The following GABRB1 variants were observed in gnomAD, a reference collection of about 807,000 sequenced individuals.
GABRB1 encodes the protein gamma-aminobutyric acid receptor subunit beta-1.
In GABRB1, 17 loss-of-function variants were observed where a neutral mutation model predicts 51.6. That is an observed-to-expected ratio of 0.33 (90% confidence interval 0.23 to 0.49). The LOEUF (loss-of-function observed/expected upper bound fraction) is 0.49. GABRB1 is among the 20% of genes least tolerant of loss of function. GABRB1 has a pLI of 0.99. For synonymous variants in GABRB1, 247 were observed against 218.9 expected (o/e 1.13, Z -1.14); for missense variants, 410 against 600.6 (o/e 0.68, Z 3.32).
At chr4:47,194,873 G>T (rs547507302) in intron 4 of GABRB1, among the ~76,000 whole-genome samples, 2 of 152,300 alleles carry the variant, frequency 1.3e-5, no homozygotes, top group South Asian at 4.1e-4. Context: ...GAAGTGTCAT[G>T]AGACCCAGGC....
chr4:47,195,074 T>C (rs1183739351), intron 4 of GABRB1, among the ~76,000 whole-genome samples: 2 of 152,040 alleles, frequency 1.3e-5, no homozygotes, highest in African/African-American at 4.8e-5. Flanking sequence ...GCTATATAAA[T>C]CAATATCCTG....
At chr4:47,402,342 A>G (rs1728423725) in intron 5 of GABRB1, among the ~76,000 whole-genome samples, 2 of 152,338 alleles carry the variant, frequency 1.3e-5, no homozygotes, top group South Asian at 4.1e-4. Flanking sequence ...AGCCCCTGCA[A>G]TTCTAATGGA....
chr4:47,165,608 CT>C (rs949393563), intron 4 of GABRB1, among the ~76,000 whole-genome samples: 2 of 152,080 alleles, frequency 1.3e-5, no homozygotes, highest in East Asian at 1.9e-4. Flanking sequence ...GTTCTTCTGT[CT>C]TTTTGTTATT....
At chr4:47,006,400 T>A (rs941239992) in intron 1 of GABRB1, among the ~76,000 whole-genome samples, 17 of 152,302 alleles carry the variant, frequency 1.1e-4, no homozygotes, top group African/African-American at 3.9e-4. Flanking sequence ...ATTAAAAATG[T>A]TTTCAAAACT....
intron 5 of GABRB1, among the ~76,000 whole-genome samples, chr4:47,346,660 T>G (rs1726105209): frequency 6.6e-6 from 1 of 152,234 alleles, no homozygotes; most frequent in African/African-American, 2.4e-5. Flanking sequence ...TGACTTCAGC[T>G]GATAAGAAAG....
intron 5 of GABRB1, among the ~76,000 whole-genome samples, chr4:47,358,015 C>T (rs1290656174): frequency 6.6e-6 from 1 of 152,114 alleles, no homozygotes; most frequent in Admixed American, 6.6e-5. Context: ...CACTTTTCTC[C>T]TTAAAACCTC....
rs201572152 is a variant in GABRB1, at chr4:47,310,051, T to G, written c.462-10076T>G. On this transcript the variant is annotated intron_variant, in intron 4 of 8. Coordinates refer to ENST00000295454, the MANE Select transcript of GABRB1 (RefSeq NM_000812.4). ...TCATACCTGCATTCATGAATTATCA[T>G]AAACCTAGGTTGAGGCACATTTTGT... 1.7e-4 allele frequency among the ~76,000 whole-genome samples: 25 copies of G among 149,814 alleles called. No individual in the cohort carries two copies. In the South Asian group the frequency reaches 5.0e-3, roughly 30 times the overall value.
intron 4 of GABRB1, among the ~76,000 whole-genome samples, chr4:47,277,332 TAG>T (rs1479143390): frequency 1.3e-5 from 2 of 151,964 alleles, no homozygotes; most frequent in East Asian, 3.9e-4. Context: ...CTCATGGACA[TAG>T]AGAGTGAAAG....
intron 5 of GABRB1, among the ~76,000 whole-genome samples, chr4:47,357,785 G>A (rs1726642879): frequency 6.6e-6 from 1 of 152,122 alleles, no homozygotes; most frequent in Non-Finnish European, 1.5e-5. Flanking sequence ...TGGCTTTGTG[G>A]CCTCAGAGCC....
At chr4:47,424,289 T>C (rs1399732748) in intron 8 of GABRB1, among the ~76,000 whole-genome samples, 3 of 152,244 alleles carry the variant, frequency 2.0e-5, no homozygotes, top group Non-Finnish European at 2.9e-5. Context: ...TTACTAGCTG[T>C]GTAAACGAGC....
chr4:47,039,941 G>A (rs779366348), intron 3 of GABRB1, among the ~76,000 whole-genome samples: 50 of 152,248 alleles, frequency 3.3e-4, no homozygotes, highest in Middle Eastern at 3.4e-3. Context: ...ATATTTGTTT[G>A]TATATGCACT....
chr4:47,361,366 T>C lies in GABRB1; in HGVS notation c.544+41157T>C, dbSNP rs558463482. On this transcript the variant is annotated intron_variant, in intron 5 of 8. Transcript: ENST00000295454. Reference sequence around the variant, plus strand: ...GGATTTAGTCAGAAATGGCAACATATGCAAAAGCTTTGTGGCAAGAGGAAC... The same window carrying C: ...GGATTTAGTCAGAAATGGCAACATACGCAAAAGCTTTGTGGCAAGAGGAAC... Among the ~76,000 whole-genome samples, 191 of 152,220 alleles carry C rather than the reference T, an allele frequency of 1.3e-3. 5 individuals are homozygous for C. Among genetic ancestry groups the C allele is most frequent in the Admixed American group, 1.6e-3 (25 of 15,278 alleles).
intron 3 of GABRB1, among the ~76,000 whole-genome samples, chr4:47,154,283 G>A (rs1577957134): frequency 7.7e-6 from 1 of 129,894 alleles, no homozygotes; most frequent in Non-Finnish European, 1.6e-5. Flanking sequence ...CTTATCCTAA[G>A]GGGCGTTTCT....
intron 5 of GABRB1, among the ~76,000 whole-genome samples, chr4:47,348,752 G>T (rs1409686928): frequency 6.6e-6 from 1 of 152,154 alleles, no homozygotes; most frequent in Non-Finnish European, 1.5e-5. Context: ...GATAAGATTT[G>T]TGTTTTCAGA....
intron 3 of GABRB1, among the ~76,000 whole-genome samples, chr4:47,127,736 G>A (rs932510682): frequency 3.3e-5 from 5 of 151,818 alleles, no homozygotes; most frequent in African/African-American, 9.7e-5. Context: ...TCTTAGGGAA[G>A]TATATAGAGC....
chr4:47,210,012 G>A (rs576336080), intron 4 of GABRB1, among the ~76,000 whole-genome samples: 309 of 152,174 alleles, frequency 2.0e-3, no homozygotes, highest in Non-Finnish European at 2.9e-3. Context: ...CCTGCCGTCA[G>A]GATGACAGAA....
intron 3 of GABRB1, among the ~76,000 whole-genome samples, chr4:47,124,797 A>C (rs761454054): frequency 2.0e-5 from 3 of 152,162 alleles, no homozygotes; most frequent in South Asian, 2.1e-4. Context: ...GTCATGTGAA[A>C]TCATCCAGTC....
chr4:47,138,593 C>G (rs1052657561), intron 3 of GABRB1, among the ~76,000 whole-genome samples: 3 of 151,840 alleles, frequency 2.0e-5, no homozygotes, highest in Non-Finnish European at 4.4e-5. Flanking sequence ...CCACAATGGT[C>G]AAGGAAAAAA....
intron 3 of GABRB1, among the ~76,000 whole-genome samples, chr4:47,140,513 T>C (rs1276867766): frequency 6.6e-6 from 1 of 151,982 alleles, no homozygotes; most frequent in Non-Finnish European, 1.5e-5. Flanking sequence ...AGGATAGAAT[T>C]GTCTTGGCAA....
Sources: allele counts gnomAD v4.1 joint callset (sites outside exome capture counted in the v4.1 genomes callset), GRCh38; gene constraint gnomAD v4.1.1; transcripts MANE v1.5; gene names NCBI Gene and HGNC (gene_info 2026-07-23, HGNC 2026-07-21).